The following STK35 variants were observed in gnomAD, a reference collection of about 807,000 sequenced individuals.
The protein encoded by STK35 is serine/threonine kinase 35.
STK35 carries 17 observed loss-of-function variants against 37.3 expected under a neutral mutation model. The observed-to-expected ratio is 0.46, with a 90% confidence interval of 0.31 to 0.68. STK35 has a LOEUF of 0.68. Among genes scored for constraint, STK35 ranks in the 30% least tolerant of loss-of-function variants. The pLI, the probability that STK35 is intolerant of heterozygous loss-of-function variation, is 0.05. For missense variants in STK35, 595 were observed against 746.7 expected, an observed-to-expected ratio of 0.80 and a Z score of 2.37; for synonymous variants, 385 against 319.1, an observed-to-expected ratio of 1.21 and a Z score of -2.20.
chr20:2,130,137 G>A (rs1326458363), intron 3 of STK35, among the ~76,000 whole-genome samples: 2 of 152,110 alleles, frequency 1.3e-5, no homozygotes, highest in South Asian at 2.1e-4. Flanking sequence ...AGCAGGAGAC[G>A]GTTTAGGGGA....
At chr20:2,138,081 A>G (rs1986115778) in intron 3 of STK35, among the ~76,000 whole-genome samples, 1 of 152,240 alleles carries the variant, frequency 6.6e-6, no homozygotes, top group Non-Finnish European at 1.5e-5. Flanking sequence ...TTTGCACGGC[A>G]GCTAGCATGT....
chr20:2,135,370 C>T (rs1275517530), intron 3 of STK35, among the ~76,000 whole-genome samples: 1 of 152,150 alleles, frequency 6.6e-6, no homozygotes, highest in African/African-American at 2.4e-5. Flanking sequence ...TGCTCAGTTC[C>T]TTGTAGGGCT....
chr20:2,132,503 C>T (rs1384731419), intron 3 of STK35, among the ~76,000 whole-genome samples: 1 of 152,140 alleles, frequency 6.6e-6, no homozygotes, highest in Non-Finnish European at 1.5e-5. Context: ...TGAACTTCAT[C>T]CTGCCAAAAA....
intron 2 of STK35, among the ~76,000 whole-genome samples, chr20:2,108,471 G>T (rs1985558034): frequency 6.6e-6 from 1 of 152,140 alleles, no homozygotes; most frequent in Non-Finnish European, 1.5e-5. Flanking sequence ...GATCGCATCA[G>T]TGCACTCCAG....
At chr20:2,112,003 A>T (rs1164890665) in intron 2 of STK35, among the ~76,000 whole-genome samples, 1 of 152,174 alleles carries the variant, frequency 6.6e-6, no homozygotes, top group Non-Finnish European at 1.5e-5. Context: ...AGCTGTAGTC[A>T]TTCTGCTTCT....
chr20:2,107,101 C>G (rs1439280196), intron 2 of STK35, among the ~76,000 whole-genome samples: 1 of 152,176 alleles, frequency 6.6e-6, no homozygotes, highest in Non-Finnish European at 1.5e-5. Flanking sequence ...GCTTTTATCC[C>G]CTTGTTTTCC....
In STK35 at chr20:2,103,337, C is replaced by T. The variant is rs2122535369; in HGVS notation, c.864C>T (p.Tyr288=). ...ACGGCAACAAGAGCTCGCAGCTTTA[C>T]CTGCGCCTGGTGGAGACCTCGCTGA... ...MSHGNKSSQL[Y]LRLVETSLKG... is the part of the protein sequence containing the mutation. The change falls in exon 2 of 4, where the codon TAC becomes TAT. Residue 288 remains tyrosine (Y), a synonymous_variant. Coordinates refer to ENST00000381482, the MANE Select transcript of STK35 (RefSeq NM_080836.4). 3.1e-6 allele frequency: 5 copies of T among 1,612,588 alleles called. No individual in the cohort carries two copies. In the East Asian group the frequency reaches 6.7e-5, roughly 22 times the overall value.
chr20:2,142,003 T>A (rs1185160490), intron 3 of STK35, among the ~76,000 whole-genome samples: 1 of 152,178 alleles, frequency 6.6e-6, no homozygotes, highest in Non-Finnish European at 1.5e-5. Context: ...GAGCTACCAA[T>A]CTAAACACCT....
intron 2 of STK35, 95 bp from the exon 3 acceptor site, chr20:2,116,568 TCAC>T: frequency 7.5e-7 from 1 of 1,337,942 alleles, no homozygotes; most frequent in Non-Finnish European, 1.0e-6. Flanking sequence ...CAGTTGTTTG[TCAC>T]CAATGTCACT....
chr20:2,120,727 G>C (rs1341925599), intron 3 of STK35, among the ~76,000 whole-genome samples: 2 of 152,222 alleles, frequency 1.3e-5, no homozygotes, highest in Non-Finnish European at 2.9e-5. Context: ...TTTAGACACA[G>C]ATAATACATC....
At chr20:2,110,613 G>A (rs1028727893) in intron 2 of STK35, among the ~76,000 whole-genome samples, 33 of 152,282 alleles carry the variant, frequency 2.2e-4, no homozygotes, top group Middle Eastern at 3.4e-3. Context: ...GACACTTTTG[G>A]AATGAATTCC....
intron 2 of STK35, among the ~76,000 whole-genome samples, chr20:2,103,896 C>T (rs1341518046): frequency 6.6e-6 from 1 of 152,166 alleles, no homozygotes; most frequent in Non-Finnish European, 1.5e-5. Context: ...TCTGAGGCCC[C>T]CGGCCCTTCA....
At chr20:2,136,309 TGTAATGTCA>T (rs1216200454) in intron 3 of STK35, among the ~76,000 whole-genome samples, 1 of 152,224 alleles carries the variant, frequency 6.6e-6, no homozygotes, top group Non-Finnish European at 1.5e-5. Context: ...TGATAGGCTA[TGTAATGTCA>T]GGAAAATCTG....
intron 2 of STK35, among the ~76,000 whole-genome samples, chr20:2,106,631 G>A (rs1404458058): frequency 6.6e-6 from 1 of 152,350 alleles, no homozygotes; most frequent in Middle Eastern, 3.4e-3. Flanking sequence ...AAAGTAGGGT[G>A]CCTAGGACTG....
At chr20:2,103,495 C>A in intron 2 of STK35, 130 bp downstream of exon 2, 1 of 837,050 alleles carries the variant, frequency 1.2e-6, no homozygotes. Context: ...CCCTGACACA[C>A]CCTCCTTTCC....
intron 2 of STK35, among the ~76,000 whole-genome samples, chr20:2,112,138 G>GCC (rs1985631361): frequency 6.6e-6 from 1 of 152,230 alleles, no homozygotes; most frequent in Admixed American, 6.5e-5. Context: ...CTAACTTCTG[G>GCC]AGAAGGCTTA....
At position 2,148,091 on chromosome 20, in the gene STK35, G is replaced by A. The variant is rs1449892518; in HGVS notation, c.*4345G>A. On this transcript the variant is annotated 3_prime_UTR_variant, in exon 4 of 4. Transcript: ENST00000381482. ...TGCCCGAGGGCCCCCTAAGGTTATAGACGGTATCAGCAGGGAGGCCGTCCC... is the reference window on the plus strand; with the variant it reads ...TGCCCGAGGGCCCCCTAAGGTTATAAACGGTATCAGCAGGGAGGCCGTCCC... 1 of 151,650 alleles carries A rather than the reference G, an allele frequency of 6.6e-6. No individual in the cohort carries two copies. Among genetic ancestry groups the A allele is most frequent in the Non-Finnish European group, 1.5e-5 (1 of 68,038 alleles). The allele number at this position is 151,650 out of a possible 1,614,324, so 9.4% of individuals were successfully genotyped here. A position where few individuals can be genotyped will look rare whatever the true frequency, so the allele number is the denominator to read the frequency against.
intron 3 of STK35, among the ~76,000 whole-genome samples, chr20:2,140,904 C>G (rs1986161811): frequency 6.6e-6 from 1 of 152,198 alleles, no homozygotes; most frequent in African/African-American, 2.4e-5. Context: ...GTTTCTGAAC[C>G]TGCCTCCTTG....
At chr20:2,138,667 A>G (rs1221919689) in intron 3 of STK35, among the ~76,000 whole-genome samples, 1 of 152,174 alleles carries the variant, frequency 6.6e-6, no homozygotes, top group Non-Finnish European at 1.5e-5. Context: ...CAGGTCCAGG[A>G]GGGAAGCAAT....
Sources: gnomAD v4.1 joint callset for allele counts (sites outside exome capture counted in the v4.1 genomes callset) on GRCh38, gnomAD v4.1.1 for gene constraint, MANE v1.5 for transcripts, NCBI Gene and HGNC (gene_info 2026-07-23, HGNC 2026-07-21) for gene names.